PCDH15: variants seen among roughly 807,000 people sequenced by gnomAD.
PCDH15 encodes the protein protocadherin related 15, also known as protocadherin-15.
A neutral mutation model predicts 178.5 loss-of-function variants in PCDH15; 129 were observed. That is an observed-to-expected ratio of 0.72 (90% CI 0.63 to 0.84). The LOEUF is 0.84. Ranked by LOEUF, PCDH15 falls within the 40% of genes least tolerant of loss-of-function variation. The pLI, the probability that PCDH15 is intolerant of heterozygous loss-of-function variation, is 0.00. For missense variants in PCDH15, 2,230 were observed against 2,099.9 expected (o/e 1.06, Z -1.21); for synonymous variants, 800 against 732.0 (o/e 1.09, Z -1.50).
At chr10:53,961,943 G>A in intron 21 of PCDH15, 51 bp from the exon 22 acceptor site, 1 of 1,398,160 alleles carries the variant, frequency 7.2e-7, no homozygotes, top group Non-Finnish European at 1.0e-6. Flanking sequence ...TTAAAACACA[G>A]TGCAATGATA....
intron 25 of PCDH15, among the ~76,000 whole-genome samples, chr10:53,935,029 T>A (rs1162079152): frequency 2.0e-5 from 3 of 150,948 alleles, no homozygotes; most frequent in Admixed American, 2.0e-4. Context: ...ATTGCCAACA[T>A]GTAGAAATAC....
chr10:54,520,398 G>T (rs1336001677), intron 3 of PCDH15, among the ~76,000 whole-genome samples: 3 of 152,064 alleles, frequency 2.0e-5, no homozygotes, highest in Admixed American at 6.6e-5. Context: ...CAAAAAGTGG[G>T]CAAAGGATAT....
At chr10:54,960,374 T>C (rs151319853) in intron 2 of PCDH15, among the ~76,000 whole-genome samples, 36 of 152,322 alleles carry the variant, frequency 2.4e-4, no homozygotes, top group African/African-American at 8.4e-4. Flanking sequence ...GTGCTTATGA[T>C]AATTTGCTTA....
intron 13 of PCDH15, among the ~76,000 whole-genome samples, chr10:54,165,930 T>C (rs2046181518): frequency 6.6e-6 from 1 of 152,022 alleles, no homozygotes; most frequent in Admixed American, 6.6e-5. Flanking sequence ...GAGAGAAACC[T>C]ATCTTTAAAT....
chr10:54,783,716 A>G (rs1247670796), intron 1 of PCDH15, among the ~76,000 whole-genome samples: 1 of 152,138 alleles, frequency 6.6e-6, no homozygotes, highest in East Asian at 1.9e-4. Context: ...GTAAAAGACA[A>G]AGAGAATTAT....
At chr10:54,313,070 T>G (rs1218886064) in intron 8 of PCDH15, among the ~76,000 whole-genome samples, 1 of 152,068 alleles carries the variant, frequency 6.6e-6, no homozygotes, top group Non-Finnish European at 1.5e-5. Flanking sequence ...ATTTCTTCCA[T>G]AATATTTAAT....
At chr10:55,582,549 ATAG>A (rs1564465451) in intron 2 of PCDH15, among the ~76,000 whole-genome samples, 2 of 148,880 alleles carry the variant, frequency 1.3e-5, no homozygotes, top group Non-Finnish European at 3.0e-5. Context: ...CCCTAAAAAA[ATAG>A]TGGTTGATCT....
chr10:54,952,219 A>G (rs1838363191), intron 2 of PCDH15, among the ~76,000 whole-genome samples: 1 of 151,808 alleles, frequency 6.6e-6, no homozygotes, highest in African/African-American at 2.4e-5. Context: ...TTAATATTTT[A>G]TATTTGGATG....
intron 2 of PCDH15, among the ~76,000 whole-genome samples, chr10:55,419,840 T>C (rs938502183): frequency 6.6e-6 from 1 of 151,580 alleles, no homozygotes; most frequent in Non-Finnish European, 1.5e-5. Flanking sequence ...GTGCATTTTA[T>C]TGGGGGAAAA....
At chr10:53,837,629 C>T (rs918287933) in intron 29 of PCDH15, among the ~76,000 whole-genome samples, 10 of 152,004 alleles carry the variant, frequency 6.6e-5, no homozygotes, top group African/African-American at 2.2e-4. Flanking sequence ...CTTCCATTGA[C>T]CTGGACCGGC....
At chr10:54,967,374 T>C (rs1045055212) in intron 2 of PCDH15, among the ~76,000 whole-genome samples, 5 of 152,178 alleles carry the variant, frequency 3.3e-5, no homozygotes, top group South Asian at 2.1e-4. Flanking sequence ...ATCAAGGTAA[T>C]TGAAGTAATC....
At chr10:54,545,569 G>T (rs1200358687) in intron 2 of PCDH15, among the ~76,000 whole-genome samples, 1 of 151,736 alleles carries the variant, frequency 6.6e-6, no homozygotes, top group Non-Finnish European at 1.5e-5. Context: ...CAAGGAAGGA[G>T]GGAAGGAAGG....
At chr10:54,353,362 G>C (rs1410221749) in intron 5 of PCDH15, among the ~76,000 whole-genome samples, 15 of 151,982 alleles carry the variant, frequency 9.9e-5, no homozygotes, top group Non-Finnish European at 2.9e-5. Context: ...AGCCCTTTTT[G>C]TCTAGTTAAC....
At chr10:54,092,417 A>C (rs2094613794) in intron 15 of PCDH15, among the ~76,000 whole-genome samples, 1 of 152,108 alleles carries the variant, frequency 6.6e-6, no homozygotes, top group African/African-American at 2.4e-5. Flanking sequence ...TCTTTGGGGT[A>C]AAGTCTATTG....
chr10:54,469,815 G>A (rs2077773178), intron 3 of PCDH15, among the ~76,000 whole-genome samples: 1 of 152,142 alleles, frequency 6.6e-6, no homozygotes, highest in African/African-American at 2.4e-5. Flanking sequence ...TGACTCTCAA[G>A]CCATCTGTAC....
At chr10:54,214,551 A>G (rs1028544041) in intron 9 of PCDH15, among the ~76,000 whole-genome samples, 1 of 152,154 alleles carries the variant, frequency 6.6e-6, no homozygotes, top group South Asian at 2.1e-4. Context: ...TAAATTAAAT[A>G]TAGGTTCTGA....
chr10:54,187,732 T>C (rs2048604058), intron 11 of PCDH15, among the ~76,000 whole-genome samples: 1 of 151,884 alleles, frequency 6.6e-6, no homozygotes. Flanking sequence ...TCATTCTGTT[T>C]TGTTTAGTTA....
At chr10:54,797,787 CAT>C (rs1326606420) in intron 1 of PCDH15, among the ~76,000 whole-genome samples, 2 of 151,882 alleles carry the variant, frequency 1.3e-5, no homozygotes, top group African/African-American at 4.8e-5. Context: ...AAATAGCACA[CAT>C]GTGTATGTGT....
chr10:54,591,698 A>G (rs1226788858), intron 2 of PCDH15, among the ~76,000 whole-genome samples: 1 of 152,206 alleles, frequency 6.6e-6, no homozygotes, highest in Non-Finnish European at 1.5e-5. Flanking sequence ...TCTAATGAAT[A>G]AAACCAAAAA....
Sources: gnomAD v4.1 joint callset for allele counts (sites outside exome capture counted in the v4.1 genomes callset) on GRCh38, gnomAD v4.1.1 for gene constraint, MANE v1.5 for transcripts, NCBI Gene and HGNC (gene_info 2026-07-23, HGNC 2026-07-21) for gene names.